The following MYC variants were observed in gnomAD, a reference collection of about 807,000 sequenced individuals.
MYC encodes the protein myc proto-oncogene protein.
In MYC, 1 loss-of-function variant was observed where a neutral mutation model predicts 30.5. The observed-to-expected ratio is 0.03, with a 90% confidence interval of 0.01 to 0.16. The LOEUF is 0.16. MYC is among the 10% of genes least tolerant of loss of function. The pLI is 1.00. For missense variants in MYC, 508 were observed against 589.0 expected (o/e 0.86, Z 1.42); for synonymous variants, 267 against 250.7 (o/e 1.07, Z -0.62).
intron 2 of MYC, 124 bp from the exon 3 acceptor site, chr8:127,740,272 A>G: frequency 9.9e-7 from 1 of 1,010,218 alleles, no homozygotes; most frequent in Non-Finnish European, 1.4e-6. Flanking sequence ...CTCTTTGGGG[A>G]GATAATTTTG....
chr8:127,739,077 T>A, intron 2 of MYC, 58 bp downstream of exon 2: 5 of 1,415,634 alleles, frequency 3.5e-6, no homozygotes, highest in Non-Finnish European at 3.7e-6. Context: ...TTTCCCATTT[T>A]CATTGGCAGC....
intron 2 of MYC, 71 bp from the exon 3 acceptor site, chr8:127,740,325 G>T (rs1376991943): frequency 3.5e-6 from 5 of 1,442,428 alleles, no homozygotes; most frequent in African/African-American, 2.8e-5. Context: ...TATTTGTACA[G>T]CATTAATCTG....
At position 127,738,570 on chromosome 8, in the gene MYC, C is replaced by A. The variant is rs2130094566; in HGVS notation, c.353C>A (p.Thr118Asn). ...ACGGCCGACCAGCTGGAGATGGTGACCGAGCTGCTGGGAGGAGACATGGTG... is the reference window on the plus strand; with the variant it reads ...ACGGCCGACCAGCTGGAGATGGTGAACGAGCTGCTGGGAGGAGACATGGTG... The change falls in exon 2 of 3, where the codon ACC becomes AAC. Residue 118 changes from threonine (T) to asparagine (N), a missense_variant. Transcript: ENST00000621592. This position sits in a 1 kb window ranked among gnomAD's most constrained non-coding sequence, Gnocchi z 7.6. 1 of 1,613,682 alleles carries A rather than the reference C, an allele frequency of 6.2e-7. No homozygotes were observed. The highest frequency in any genetic ancestry group is 8.5e-7 in the Non-Finnish European group (1 of 1,179,808).
At position 127,736,385 on chromosome 8, in the gene MYC, G is replaced by C; in HGVS notation, c.-209G>C. 1 of 615,460 alleles carries C rather than the reference G, an allele frequency of 1.6e-6. No individual in the cohort carries two copies. The allele number at this position is 615,460 out of a possible 1,614,324, so 38.1% of individuals were successfully genotyped here. ...TCGCCTCTGGCCCAGCCCTCCCGCT[G>C]ATCCCCCAGCCAGCGGTCCGCAACC... On this transcript the variant is annotated 5_prime_UTR_variant, in exon 1 of 3. Coordinates refer to ENST00000621592, the MANE Select transcript of MYC (RefSeq NM_002467.6).
rs748302238 is a variant in MYC at position 127,739,033 on chromosome 8, G to A, written c.802+14G>A. On this transcript the variant is annotated intron_variant, in intron 2 of 2. Transcript: ENST00000621592. Reference sequence around the variant, plus strand: ...GCAGCGACTCTGGTAAGCGAAGCCCGCCCAGGCCTGTCAAAAGTGGGCGGC... The same window carrying A: ...GCAGCGACTCTGGTAAGCGAAGCCCACCCAGGCCTGTCAAAAGTGGGCGGC... The A allele has an allele frequency of 5.4e-6, 8 of 1,480,236 alleles. No homozygotes were observed. In the African/African-American group the frequency reaches 1.1e-4, roughly 21 times the overall value. The allele number at this position is 1,480,236 out of a possible 1,614,324, so 91.7% of individuals were successfully genotyped here.
chr8:127,739,721 T>G (rs916128586), intron 2 of MYC, among the ~76,000 whole-genome samples: 7 of 152,160 alleles, frequency 4.6e-5, no homozygotes, highest in African/African-American at 1.7e-4. Context: ...CCAAGCAATT[T>G]GCAGCTATCA....
chr8:127,742,596 G>A lies in MYC; in HGVS notation c.*1638G>A, dbSNP rs1007679957. On this transcript the variant is annotated 3_prime_UTR_variant, in exon 3 of 3. Coordinates refer to ENST00000621592, the MANE Select transcript of MYC (RefSeq NM_002467.6). ...CCATTTGTTGAATCAGACTCATGAC[G>A]GCTCCTGGGAAGAAGCCAGTTCAGA... Among the ~76,000 whole-genome samples, 1 of 152,100 alleles carries A rather than the reference G, an allele frequency of 6.6e-6. No individual in the cohort carries two copies. Among genetic ancestry groups the A allele is most frequent in the African/African-American group, 2.4e-5 (1 of 41,420 alleles).
Position 127,736,277 on chromosome 8 carries a change from G to T in MYC, c.-317G>T. ...CGAGAGGCAGAGGGAGCGAGCGGGC[G>T]GCCGGCTAGGGTGGAAGAGCCGGGC... is the stretch of plus-strand genomic sequence containing the variant. On this transcript the variant is annotated 5_prime_UTR_variant, in exon 1 of 3. Coordinates refer to ENST00000621592, the MANE Select transcript of MYC (RefSeq NM_002467.6). 1.9e-6 allele frequency: 1 copy of T among 538,776 alleles called. No homozygotes were observed. Among genetic ancestry groups the T allele is most frequent in the Non-Finnish European group, 3.3e-6 (1 of 306,984 alleles). The allele number at this position is 538,776 out of a possible 1,614,324, so 33.4% of individuals were successfully genotyped here.
At position 127,738,380 on chromosome 8, in the gene MYC, C is replaced by G; in HGVS notation, c.163C>G (p.Leu55Val). The change falls in exon 2 of 3, where the codon CTG becomes GTG. Residue 55 changes from leucine to valine, a missense_variant. Leu to Val is a conservative substitution (Grantham distance 32). Around this residue, in one of 5 missense-constraint regions of MYC, gnomAD observed 70 missense variants for 84.5 expected, o/e 0.83. Coordinates refer to ENST00000621592, the MANE Select transcript of MYC (RefSeq NM_002467.6). This position sits in a 1 kb window ranked among gnomAD's most constrained non-coding sequence, Gnocchi z 7.6. The stretch of plus-strand genomic sequence containing the variant: ...CTACCAGCAGCAGCAGCAGAGCGAG[C>G]TGCAGCCCCCGGCGCCCAGCGAGGA... 6.2e-7 allele frequency: 1 copy of G among 1,614,040 alleles called. No individual in the cohort carries two copies. Among genetic ancestry groups the G allele is most frequent in the East Asian group, 2.2e-5 (1 of 44,864 alleles).
chr8:127,740,002 C>T (rs890911084), intron 2 of MYC, among the ~76,000 whole-genome samples: 3 of 148,638 alleles, frequency 2.0e-5, no homozygotes, highest in Middle Eastern at 3.2e-3. Context: ...GACGGAGTCT[C>T]ACTCTGTCAC....
Position 127,738,945 on chromosome 8 carries a change from A to T in MYC, c.728A>T (p.Glu243Val), listed in dbSNP as rs1489420810. Residue 243 changes from glutamate (E) to valine (V), a missense_variant, in exon 2 of 3, where the codon GAG (glutamate) becomes GTG (valine). Glu to Val is a moderately radical substitution (Grantham distance 121). Transcript: ENST00000621592. This position sits in a 1 kb window ranked among gnomAD's most constrained non-coding sequence, Gnocchi z 7.6. ...TCGGATTCTCTGCTCTCCTCGACGG[A>T]GTCCTCCCCGCAGGGCAGCCCCGAG... 1.4e-5 allele frequency: 23 copies of T among 1,598,140 alleles called. No individual in the cohort carries two copies. Among genetic ancestry groups the T allele is most frequent in the Non-Finnish European group, 2.0e-5 (23 of 1,177,024 alleles).
intron 2 of MYC, among the ~76,000 whole-genome samples, chr8:127,740,106 A>G (rs1813682878): frequency 1.3e-5 from 2 of 151,858 alleles, no homozygotes; most frequent in Non-Finnish European, 2.9e-5. Flanking sequence ...CTACAGGTGC[A>G]CACCACCATG....
Position 127,741,315 on chromosome 8 carries a change from G to GTATATATAGTACCTAGTATTATAAACCTA in MYC, c.*357_*358insTATATATAGTACCTAGTATTATAAACCTA, listed in dbSNP as rs1813707456. 4.1e-6 allele frequency: 1 copy of GTATATATAGTACCTAGTATTATAAACCTA among 243,276 alleles called. No individual in the cohort carries two copies. The highest frequency in any genetic ancestry group is 6.0e-5 in the East Asian group (1 of 16,556). 15.1% of individuals were successfully genotyped at this position (243,276 alleles called of 1,614,324 possible). ...CTAGTATATAGTACCTAGTATTATA[G>GTATATATAGTACCTAGTATTATAAACCTA]GTACTATAAACCCTAATTTTTTTTA... On this transcript the variant is annotated 3_prime_UTR_variant, in exon 3 of 3. Transcript: ENST00000621592.
At position 127,742,353 on chromosome 8, in the gene MYC, C is replaced by T. The variant is rs749509425; in HGVS notation, c.*1395C>T. ...TGAACCCAGGCTGTTTACTCCTAACCTGTCCAAGCCACCTCTCAGACGACG... is the reference window on the plus strand; with the variant it reads ...TGAACCCAGGCTGTTTACTCCTAACTTGTCCAAGCCACCTCTCAGACGACG... On this transcript the variant is annotated 3_prime_UTR_variant, in exon 3 of 3. Transcript: ENST00000621592. 7.2e-5 allele frequency among the ~76,000 whole-genome samples: 11 copies of T among 152,226 alleles called. No homozygotes were observed. Among genetic ancestry groups the T allele is most frequent in the Non-Finnish European group, 1.2e-4 (8 of 68,044 alleles).
At chr8:127,736,797 G>A (rs1813599571) in intron 1 of MYC, among the ~76,000 whole-genome samples, 174 bp downstream of exon 1, 1 of 152,160 alleles carries the variant, frequency 6.6e-6, no homozygotes, top group African/African-American at 2.4e-5. Flanking sequence ...ACTGGATCGG[G>A]GTAAAGTGAC....
Position 127,736,479 on chromosome 8 carries a change from G to A in MYC, c.-115G>A. The A allele has an allele frequency of 8.3e-7, 1 of 1,206,296 alleles. No individual in the cohort carries two copies. Among genetic ancestry groups the A allele is most frequent in the Non-Finnish European group, 1.2e-6 (1 of 836,514 alleles). 74.7% of individuals were successfully genotyped at this position (1,206,296 alleles called of 1,614,324 possible). A position where few individuals can be genotyped will look rare whatever the true frequency, so the allele number is the denominator to read the frequency against. On this transcript the variant is annotated 5_prime_UTR_variant, in exon 1 of 3. Coordinates refer to ENST00000621592, the MANE Select transcript of MYC (RefSeq NM_002467.6). ...CTTTGCACTGGAACTTACAACACCC[G>A]AGCAAGGACGCGACTCTCCCGACGC...
rs1468408630 is a variant in MYC at position 127,738,672 on chromosome 8, G to C, written c.455G>C (p.Gly152Ala). 6.2e-7 allele frequency: 1 copy of C among 1,614,084 alleles called. No individual in the cohort carries two copies. The highest frequency in any genetic ancestry group is 8.5e-7 in the Non-Finnish European group (1 of 1,179,938). The change falls in exon 2 of 3, where the codon GGC becomes GCC. Residue 152 changes from glycine (G) to alanine (A), a missense_variant. By Grantham distance (60) the Gly-to-Ala change is moderately conservative. Transcript: ENST00000621592. This position sits in a 1 kb window ranked among gnomAD's most constrained non-coding sequence, Gnocchi z 7.6. Reference sequence around the variant, plus strand: ...ATCATCCAGGACTGTATGTGGAGCGGCTTCTCGGCCGCCGCCAAGCTCGTC... The same window carrying C: ...ATCATCCAGGACTGTATGTGGAGCGCCTTCTCGGCCGCCGCCAAGCTCGTC...
intron 1 of MYC, among the ~76,000 whole-genome samples, chr8:127,737,057 G>C (rs984353711): frequency 6.6e-6 from 1 of 152,200 alleles, no homozygotes; most frequent in Non-Finnish European, 1.5e-5. Flanking sequence ...AGATCGCTCC[G>C]CAGCCGCTGA....
Position 127,740,955 on chromosome 8 carries a change from G to C in MYC, c.1362G>C (p.Ala454=), listed in dbSNP as rs4645969. The C allele has an allele frequency of 9.7e-6, 15 of 1,539,656 alleles. No homozygotes were observed. The highest frequency in any genetic ancestry group is 5.1e-5 in the South Asian group (4 of 77,980). The change falls in exon 3 of 3, where the codon GCG becomes GCC. Residue 454 remains alanine, a synonymous_variant. Transcript: ENST00000621592. Reference sequence around the variant, plus strand: ...TTGAACAGCTACGGAACTCTTGTGCGTAAGGAAAAGTAAGGAAAACGATTC... The same window carrying C: ...TTGAACAGCTACGGAACTCTTGTGCCTAAGGAAAAGTAAGGAAAACGATTC...
Sources: allele counts gnomAD v4.1 joint callset (sites outside exome capture counted in the v4.1 genomes callset), GRCh38; gene constraint gnomAD v4.1.1; regional missense constraint gnomAD v4.1.1; non-coding constraint Gnocchi (gnomAD v3.1); transcripts MANE v1.5; gene names NCBI Gene and HGNC (gene_info 2026-07-23, HGNC 2026-07-21).